NDRG2: variants seen among roughly 807,000 people sequenced by gnomAD.
NDRG2 encodes the protein protein NDRG2.
Under a neutral mutation model 58.2 loss-of-function variants are expected in NDRG2, and 34 were observed. The ratio of observed to expected loss-of-function variants is 0.58; its 90% CI spans 0.44 to 0.78. The LOEUF is 0.78. NDRG2 is among the 30% of genes least tolerant of loss of function. The pLI, the probability that NDRG2 is intolerant of heterozygous loss-of-function variation, is 0.00. For synonymous variants in NDRG2, 187 were observed against 175.9 expected (o/e 1.06, Z -0.50); for missense variants, 434 against 471.2 (o/e 0.92, Z 0.73).
intron 1 of NDRG2, among the ~76,000 whole-genome samples, chr14:21,046,562 CATACA>C (rs1566498874): frequency 2.4e-4 from 37 of 151,874 alleles, no homozygotes; most frequent in Non-Finnish European, 4.0e-4. Flanking sequence ...TACATACATA[CATACA>C]TACATACATA....
At chr14:21,030,680 G>C (rs761889310), upstream of NDRG2, 1 of 1,614,064 alleles carries the variant, frequency 6.2e-7, no homozygotes, top group South Asian at 1.1e-5. Context: ...TCTCCAAGCT[G>C]TGCAAAGACT....
intron 1 of NDRG2, among the ~76,000 whole-genome samples, chr14:21,053,606 G>T (rs575254366): frequency 6.6e-6 from 1 of 152,054 alleles, no homozygotes; most frequent in Admixed American, 6.6e-5. Context: ...TAGCCTGGGC[G>T]GCAGAGCAAG....
intron 2 of NDRG2, 167 bp from the exon 3 acceptor site, chr14:21,023,072 C>T (rs117753955): frequency 2.6e-4 from 246 of 957,196 alleles, no homozygotes; most frequent in Non-Finnish European, 3.3e-4. Context: ...AGTGTAGTGA[C>T]GAGACAAGGG....
chr14:21,046,379 G>T (rs1885145232), intron 1 of NDRG2, among the ~76,000 whole-genome samples: 1 of 151,930 alleles, frequency 6.6e-6, no homozygotes. Context: ...ACAATTAGCT[G>T]GGTATGATGA....
Position 21,067,980 on chromosome 14 carries a change from C to CTTTTTTTTTTT in NDRG2, c.24+2837_24+2847dup, listed in dbSNP as rs1171332473. ...AGCTCAAAAACTTTCAGTGGCTCCC[C>CTTTTTTTTTTT]TTTTTTTTTTTTTTTTTTTTTTTTT... On this transcript the variant is annotated intron_variant, in intron 1 of 14. Coordinates refer to the NDRG2 transcript ENST00000403829. Among the ~76,000 whole-genome samples, 3 of 22,284 alleles carry CTTTTTTTTTTT rather than the reference C, an allele frequency of 1.3e-4. 1 individual carries two copies. Among genetic ancestry groups the CTTTTTTTTTTT allele is most frequent in the African/African-American group, 2.1e-4 (2 of 9,544 alleles). 14.6% of individuals were successfully genotyped at this position (22,284 alleles called of 152,430 possible).
At chr14:21,056,224 A>C (rs1203429620) in intron 1 of NDRG2, among the ~76,000 whole-genome samples, 1 of 152,196 alleles carries the variant, frequency 6.6e-6, no homozygotes, top group Admixed American at 6.5e-5. Context: ...GAGAAACTGC[A>C]GTGCAGAGCC....
chr14:21,025,519 A>G (rs1411040893), upstream of NDRG2: 5 of 985,408 alleles, frequency 5.1e-6, no homozygotes, highest in East Asian at 4.6e-4. The surrounding 1 kb of genome is among the most constrained non-coding windows in gnomAD (Gnocchi z 5.1). Flanking sequence ...CCGAACACAG[A>G]GAACTAGATT....
intron 1 of NDRG2, chr14:21,034,182 C>T (rs549619794): frequency 1.9e-6 from 3 of 1,614,066 alleles, no homozygotes; most frequent in South Asian, 2.2e-5. Context: ...ATAGTCAATG[C>T]TTAAGGTATA....
chr14:21,061,933 G>A (rs1036574575), intron 1 of NDRG2, among the ~76,000 whole-genome samples: 17 of 152,278 alleles, frequency 1.1e-4, no homozygotes, highest in African/African-American at 4.1e-4. Flanking sequence ...TAGCTCAAAT[G>A]CCCAAATTAC....
upstream of NDRG2, chr14:21,030,519 C>T: frequency 1.3e-6 from 2 of 1,538,266 alleles, no homozygotes; most frequent in Admixed American, 3.7e-5. Flanking sequence ...ACAGTCCTCC[C>T]TCCCCCTTCT....
chr14:21,040,037 G>T (rs1244702774), intron 1 of NDRG2, among the ~76,000 whole-genome samples: 1 of 152,148 alleles, frequency 6.6e-6, no homozygotes, highest in Admixed American at 6.5e-5. Flanking sequence ...GGCCTGTGCT[G>T]ATACACATTT....
upstream of NDRG2, chr14:21,025,364 G>C: frequency 1.0e-6 from 1 of 985,454 alleles, no homozygotes; most frequent in Non-Finnish European, 1.2e-6. This position sits in a 1 kb window ranked among gnomAD's most constrained non-coding sequence, Gnocchi z 5.1. Context: ...GGGATCCCTC[G>C]GCTGCCCTCA....
chr14:21,044,643 G>T (rs1255920422), intron 1 of NDRG2, among the ~76,000 whole-genome samples: 1 of 152,188 alleles, frequency 6.6e-6, no homozygotes, highest in Non-Finnish European at 1.5e-5. Context: ...TCGTTCTGGG[G>T]ACTGGAGCTG....
upstream of NDRG2, chr14:21,030,597 G>A (rs143954376): frequency 7.4e-6 from 12 of 1,613,750 alleles, no homozygotes; most frequent in Non-Finnish European, 1.0e-5. Context: ...ATCAGAGGCA[G>A]AAAAAACATT....
At chr14:21,036,241 A>T (rs1359304046) in intron 1 of NDRG2, 1 of 456,154 alleles carries the variant, frequency 2.2e-6, no homozygotes, top group East Asian at 6.9e-5. Context: ...CTCCAGTAAG[A>T]CTCAACTCAA....
intron 1 of NDRG2, chr14:21,035,751 A>G (rs187523013): frequency 1.8e-5 from 8 of 456,138 alleles, no homozygotes; most frequent in African/African-American, 1.4e-4. Context: ...AATGGAATCC[A>G]TCCTCCCCAT....
At chr14:21,050,396 A>G (rs989124226) in intron 1 of NDRG2, among the ~76,000 whole-genome samples, 5 of 152,212 alleles carry the variant, frequency 3.3e-5, no homozygotes, top group Non-Finnish European at 5.9e-5. Context: ...TGAAAACATT[A>G]CAGAGATCCT....
In NDRG2 at chr14:21,024,080, CCTT is replaced by C. The variant is rs1159495593; in HGVS notation, c.-60_-58del. The stretch of plus-strand genomic sequence containing the variant: ...GGGATTAGGGGTCAGGGTTCTCACT[CCTT>C]CTGACTCTGGGGTCTGAGAAAACAC... On this transcript the variant is annotated 5_prime_UTR_variant, in exon 1 of 16. Transcript: ENST00000556147. The C allele has an allele frequency of 1.0e-6, 1 of 985,448 alleles. No individual in the cohort carries two copies. Among genetic ancestry groups the C allele is most frequent in the East Asian group, 1.1e-4 (1 of 8,810 alleles). The allele number at this position is 985,448 out of a possible 1,614,324, so 61.0% of individuals were successfully genotyped here. A position where few individuals can be genotyped will look rare whatever the true frequency, so the allele number is the denominator to read the frequency against.
chr14:21,018,472 C>G lies in NDRG2; in HGVS notation c.846G>C (p.Gln282His), dbSNP rs1283485790. 2.5e-6 allele frequency: 4 copies of G among 1,613,986 alleles called. No homozygotes were observed. The highest frequency in any genetic ancestry group is 8.5e-7 in the Non-Finnish European group (1 of 1,180,012). ...VECNSKLDPT[Q>H]TSFLKMADSG... The stretch of plus-strand genomic sequence containing the variant: ...GGTTACTGACCTTGAGGAACGAGGT[C>G]TGGGTGGGGTCCAGTTTTGAGTTAC... Residue 282 changes from glutamine to histidine, a missense_variant, in exon 13 of 16, where the codon CAG becomes CAC. Physicochemically the swap from Gln to His is conservative, Grantham distance 24 (BLOSUM62 0). Coordinates refer to ENST00000556147, the MANE Select transcript of NDRG2 (RefSeq NM_001320329.2).
Sources: gnomAD v4.1 joint callset for allele counts (sites outside exome capture counted in the v4.1 genomes callset) on GRCh38, gnomAD v4.1.1 for gene constraint, Gnocchi (gnomAD v3.1) non-coding constraint, MANE v1.5 for transcripts, NCBI Gene and HGNC (gene_info 2026-07-23, HGNC 2026-07-21) for gene names.